DAPK2: variants seen among roughly 807,000 people sequenced by gnomAD.
The protein encoded by DAPK2 is death associated protein kinase 2, also known as death-associated protein kinase 2.
In DAPK2, 35 loss-of-function variants were observed where a neutral mutation model predicts 44.1. The ratio of observed to expected loss-of-function variants is 0.79; its 90% confidence interval spans 0.61 to 1.05. The LOEUF (loss-of-function observed/expected upper bound fraction) is 1.05, where lower values mean the gene tolerates loss of function less well. DAPK2 is among the 50% of genes least tolerant of loss of function. The probability of loss-of-function intolerance (pLI) is 0.00; values close to 1 mark genes in which losing one functional copy is unlikely to be tolerated. For synonymous variants in DAPK2, 174 were observed against 182.6 expected (o/e 0.95, Z 0.38); for missense variants, 453 against 483.2 (o/e 0.94, Z 0.59).
At chr15:63,983,716 C>T (rs922726909) in exon 2 of DAPK2, 6 of 1,613,122 alleles carry the variant, frequency 3.7e-6, no homozygotes, top group Non-Finnish European at 5.1e-6. Context: ...AAGCCCCGTG[C>T]TCTTCTCCCG....
At chr15:63,933,596 A>ATTT (rs57997935) in intron 4 of DAPK2, among the ~76,000 whole-genome samples, 4 of 118,154 alleles carry the variant, frequency 3.4e-5, no homozygotes, top group African/African-American at 9.4e-5. Flanking sequence ...GGACAGATTG[A>ATTT]TTTTTTTTTT....
upstream of DAPK2, among the ~76,000 whole-genome samples, chr15:64,044,928 G>T (rs1293221601): frequency 6.6e-6 from 1 of 152,190 alleles, no homozygotes; most frequent in Non-Finnish European, 1.5e-5. Flanking sequence ...GCTGCCAACA[G>T]AAGGGATGGG....
intron 10 of DAPK2, 103 bp downstream of exon 11, chr15:63,911,794 TGGCTGGAAACA>T: frequency 2.9e-6 from 3 of 1,039,484 alleles, no homozygotes; most frequent in Non-Finnish European, 4.4e-6. Flanking sequence ...CCAGCAGAAC[TGGCTGGAAACA>T]GTGAACACCC....
At chr15:63,995,173 G>GGTTGTT (rs888948321) in intron 1 of DAPK2, among the ~76,000 whole-genome samples, 1 of 151,808 alleles carries the variant, frequency 6.6e-6, no homozygotes, top group African/African-American at 2.4e-5. Context: ...ATACATCCCT[G>GGTTGTT]GTTGTTGTTG....
At chr15:63,940,527 A>G (rs1324003946) in intron 3 of DAPK2, among the ~76,000 whole-genome samples, 1 of 152,158 alleles carries the variant, frequency 6.6e-6, no homozygotes, top group Non-Finnish European at 1.5e-5. Flanking sequence ...CCCGGCCAAC[A>G]TGGCAAAACC....
In DAPK2 at chr15:63,966,739, A is replaced by G. The variant is rs762829909; in HGVS notation, c.453+4684T>C. 5.3e-5 allele frequency among the ~76,000 whole-genome samples: 8 copies of G among 152,094 alleles called. No homozygotes were observed. The highest frequency in any genetic ancestry group is 2.1e-4 in the South Asian group (1 of 4,826). ...CTGAGTTTCAATGCAAAGTCCCACAATTGCTGCACTCTCCCTCCCCCAAGT... is the reference window on the plus strand; with the variant it reads ...CTGAGTTTCAATGCAAAGTCCCACAGTTGCTGCACTCTCCCTCCCCCAAGT... On this transcript the variant is annotated intron_variant, in intron 3 of 10. Transcript: ENST00000261891. The surrounding 1 kb of genome is among the most constrained non-coding windows in gnomAD (Gnocchi z 5.5).
chr15:63,936,090 C>A (rs2077138935), intron 4 of DAPK2: 1 of 152,074 alleles, frequency 6.6e-6, no homozygotes, highest in African/African-American at 2.4e-5. Flanking sequence ...TGTATATATT[C>A]CATCCATCAG....
chr15:64,035,845 T>C (rs1428205649), intron 1 of DAPK2, among the ~76,000 whole-genome samples: 1 of 152,140 alleles, frequency 6.6e-6, no homozygotes, highest in Non-Finnish European at 1.5e-5. Flanking sequence ...AGGCAAAATA[T>C]GCAGGGCCAG....
At position 64,046,226 on chromosome 15, in the gene DAPK2, G is replaced by T; in HGVS notation, c.-7+72C>A. The stretch of plus-strand genomic sequence containing the variant: ...GGATCTCTTCGCCCCGCCAGCCCCA[G>T]ACCCGGGCGCTGCTGCCGTCAGGCC... On this transcript the variant is annotated intron_variant, in intron 1 of 11. Coordinates refer to the DAPK2 transcript ENST00000457488. This position sits in a 1 kb window ranked among gnomAD's most constrained non-coding sequence, Gnocchi z 5.3. 1 of 651,096 alleles carries T rather than the reference G, an allele frequency of 1.5e-6. No homozygotes were observed. Among genetic ancestry groups the T allele is most frequent in the Non-Finnish European group, 1.9e-6 (1 of 523,980 alleles). 40.3% of individuals were successfully genotyped at this position (651,096 alleles called of 1,614,324 possible).
rs1330809983 is a variant in DAPK2 at position 63,908,475 on chromosome 15, C to T, written c.*45G>A. 1.4e-6 allele frequency: 2 copies of T among 1,403,182 alleles called. No homozygotes were observed. The highest frequency in any genetic ancestry group is 3.7e-4 in the Middle Eastern group (2 of 5,414). The allele number at this position is 1,403,182 out of a possible 1,614,324, so 86.9% of individuals were successfully genotyped here. On this transcript the variant is annotated 3_prime_UTR_variant, in exon 11 of 11. Transcript: ENST00000261891. The surrounding 1 kb of genome is among the most constrained non-coding windows in gnomAD (Gnocchi z 5.7). ...CCAAAAGTCTGCACAGAAGGGAGCCCCGCTGGGCCCAGACCTCCCTGGCGG... is the reference window on the plus strand; with the variant it reads ...CCAAAAGTCTGCACAGAAGGGAGCCTCGCTGGGCCCAGACCTCCCTGGCGG...
At chr15:63,928,887 C>A (rs573224908) in intron 6 of DAPK2, among the ~76,000 whole-genome samples, 1 of 152,150 alleles carries the variant, frequency 6.6e-6, no homozygotes, top group Non-Finnish European at 1.5e-5. Context: ...GCATAAGTAG[C>A]TTCACAGGGC....
intron 4 of DAPK2, among the ~76,000 whole-genome samples, chr15:63,933,621 C>G (rs1253322878): frequency 7.9e-6 from 1 of 126,564 alleles, no homozygotes; most frequent in Admixed American, 8.4e-5. Context: ...TTTTTTGAGA[C>G]AGGGTCTTGC....
At chr15:64,022,423 A>C (rs1311020397) in intron 1 of DAPK2, among the ~76,000 whole-genome samples, 1 of 152,230 alleles carries the variant, frequency 6.6e-6, no homozygotes, top group Non-Finnish European at 1.5e-5. Flanking sequence ...GCTAGGATAC[A>C]TACAAGTATT....
intron 2 of DAPK2, among the ~76,000 whole-genome samples, chr15:63,974,093 C>T (rs545202472): frequency 5.3e-5 from 8 of 152,252 alleles, no homozygotes; most frequent in Admixed American, 2.6e-4. Flanking sequence ...TACTTTTTCA[C>T]ACTCTACATT....
chr15:63,924,008 A>G (rs2079165691), intron 8 of DAPK2, among the ~76,000 whole-genome samples: 1 of 151,672 alleles, frequency 6.6e-6, no homozygotes, highest in African/African-American at 2.4e-5. Context: ...TCTTATCTCC[A>G]CCTTTCTTAT....
At chr15:64,030,195 G>A (rs1166001981) in intron 1 of DAPK2, among the ~76,000 whole-genome samples, 1 of 152,150 alleles carries the variant, frequency 6.6e-6, no homozygotes, top group Non-Finnish European at 1.5e-5. Flanking sequence ...GGCTGAGGCA[G>A]GAGAATCGCT....
intron 8 of DAPK2, among the ~76,000 whole-genome samples, chr15:63,914,623 TC>T (rs1477671949): frequency 6.6e-6 from 1 of 152,126 alleles, no homozygotes; most frequent in East Asian, 1.9e-4. Flanking sequence ...CCTCTATACA[TC>T]CCCACGAGCT....
At chr15:64,021,422 T>C (rs1244146249) in intron 1 of DAPK2, among the ~76,000 whole-genome samples, 1 of 152,110 alleles carries the variant, frequency 6.6e-6, no homozygotes, top group African/African-American at 2.4e-5. Context: ...TTGATGAAAT[T>C]GTTGCTGCTG....
chr15:63,917,910 C>T lies in DAPK2; in HGVS notation c.859-5713G>A, dbSNP rs1230362513. ...TATTTTATCACTCACCATAGCTTTT[C>T]CAATCTAGTTGGCTGGGTCCCCATC... On this transcript the variant is annotated intron_variant, in intron 8 of 10. Coordinates refer to ENST00000261891, the Ensembl canonical transcript of DAPK2. The surrounding 1 kb of genome is among the most constrained non-coding windows in gnomAD (Gnocchi z 4.4). 2.0e-5 allele frequency: 3 copies of T among 152,204 alleles called. No individual in the cohort carries two copies. The highest frequency in any genetic ancestry group is 1.5e-5 in the Non-Finnish European group (1 of 68,036). 9.4% of individuals were successfully genotyped at this position (152,204 alleles called of 1,614,324 possible). A position where few individuals can be genotyped will look rare whatever the true frequency, so the allele number is the denominator to read the frequency against.
Sources: allele counts gnomAD v4.1 joint callset (sites outside exome capture counted in the v4.1 genomes callset), GRCh38; gene constraint gnomAD v4.1.1; non-coding constraint Gnocchi (gnomAD v3.1); transcripts MANE v1.5; gene names NCBI Gene and HGNC (gene_info 2026-07-23, HGNC 2026-07-21).